The following HERC5 variants were observed in gnomAD, a reference collection of about 807,000 sequenced individuals.
The protein encoded by HERC5 is HECT and RLD domain containing E3 ubiquitin protein ligase 5, also known as E3 ISG15--protein ligase HERC5.
In HERC5, 99 loss-of-function variants were observed where a neutral mutation model predicts 119.6. That is an observed-to-expected ratio of 0.83 (90% CI 0.70 to 0.98). HERC5 has a LOEUF of 0.98. HERC5 is among the 50% of genes least tolerant of loss of function. The probability of loss-of-function intolerance (pLI) is 0.00; values close to 1 mark genes in which losing one functional copy is unlikely to be tolerated. For synonymous variants in HERC5, 478 were observed against 445.9 expected (o/e 1.07, Z -0.91); for missense variants, 1,267 against 1,241.3 (o/e 1.02, Z -0.31).
intron 15 of HERC5, among the ~76,000 whole-genome samples, chr4:88,488,664 T>A (rs1294701667): frequency 1.3e-5 from 2 of 152,144 alleles, no homozygotes; most frequent in Non-Finnish European, 2.9e-5. Flanking sequence ...AAATTCTCCC[T>A]TAAAATCTCT....
chr4:88,457,205 C>A lies in HERC5; in HGVS notation c.-65C>A. The A allele has an allele frequency of 8.0e-7, 1 of 1,244,708 alleles. No homozygotes were observed. The highest frequency in any genetic ancestry group is 1.0e-6 in the Non-Finnish European group (1 of 993,108). 77.1% of individuals were successfully genotyped at this position (1,244,708 alleles called of 1,614,324 possible). A position where few individuals can be genotyped will look rare whatever the true frequency, so the allele number is the denominator to read the frequency against. On this transcript the variant is annotated 5_prime_UTR_variant, in exon 1 of 23. Coordinates refer to ENST00000264350, the MANE Select transcript of HERC5 (RefSeq NM_016323.4). Reference sequence around the variant, plus strand: ...AGCGCAACGCCTGAGGCAGTGGGCGCGCTCAGTCCCGGGACCAGGCGTTCT... The same window carrying A: ...AGCGCAACGCCTGAGGCAGTGGGCGAGCTCAGTCCCGGGACCAGGCGTTCT...
chr4:88,468,733 T>A (rs1203341552), intron 8 of HERC5, among the ~76,000 whole-genome samples: 1 of 152,202 alleles, frequency 6.6e-6, no homozygotes, highest in Admixed American at 6.5e-5. Flanking sequence ...TAAAAATGAC[T>A]TTGCAGGCCA....
Position 88,504,318 on chromosome 4 carries a change from A to C in HERC5, c.2669A>C (p.Lys890Thr), listed in dbSNP as rs1462499482. 13 of 1,613,178 alleles carry C rather than the reference A, an allele frequency of 8.1e-6. No individual in the cohort carries two copies. Among genetic ancestry groups the C allele is most frequent in the African/African-American group, 1.3e-5 (1 of 74,928 alleles). ...GAAGAATTTCGGAGAGGATTTTATA[A>C]AATGTGCGACGAAGACATTATCAAA... ...VYEEFRRGFYKMCDEDIIKLF... is the reference protein window; with the variant it reads ...VYEEFRRGFYTMCDEDIIKLF... The change falls in exon 21 of 23, where the codon AAA becomes ACA. Residue 890 changes from lysine (K) to threonine (T), a missense_variant. Lys to Thr is a moderately conservative substitution (Grantham distance 78). Coordinates refer to ENST00000264350, the MANE Select transcript of HERC5 (RefSeq NM_016323.4).
At position 88,457,355 on chromosome 4, in the gene HERC5, C is replaced by G; in HGVS notation, c.86C>G (p.Pro29Arg). Residue 29 changes from proline (P) to arginine (R), a missense_variant, in exon 1 of 23, where the codon CCG (proline) becomes CGG (arginine). By Grantham distance (103) the Pro-to-Arg change is moderately radical (BLOSUM62 -2). Transcript: ENST00000264350. ...KAAATQPAKSPGAQLWLFPSA... is the reference protein window; with the variant it reads ...KAAATQPAKSRGAQLWLFPSA... ...GCCGCGACCCAGCCCGCGAAGTCTC[C>G]GGGCGCACAGCTCTGGCTCTTTCCC... The G allele has an allele frequency of 7.0e-7, 1 of 1,427,418 alleles. No individual in the cohort carries two copies. The highest frequency in any genetic ancestry group is 9.2e-7 in the Non-Finnish European group (1 of 1,092,538). 88.4% of individuals were successfully genotyped at this position (1,427,418 alleles called of 1,614,324 possible).
intron 16 of HERC5, among the ~76,000 whole-genome samples, chr4:88,491,252 A>G (rs1017979860): frequency 1.3e-5 from 2 of 152,186 alleles, no homozygotes; most frequent in Non-Finnish European, 2.9e-5. Flanking sequence ...TAAACTGGTA[A>G]GAGGAGATTT....
intron 20 of HERC5, among the ~76,000 whole-genome samples, chr4:88,503,770 T>C (rs965823613): frequency 6.6e-6 from 1 of 152,216 alleles, no homozygotes; most frequent in East Asian, 1.9e-4. Context: ...GGAGTTGTTA[T>C]AAAAATTACA....
intron 13 of HERC5, among the ~76,000 whole-genome samples, 185 bp from the exon 14 acceptor site, chr4:88,485,930 A>C (rs1223903582): frequency 3.3e-5 from 5 of 152,096 alleles, no homozygotes; most frequent in Non-Finnish European, 5.9e-5. Context: ...TCTACTCTTA[A>C]ATCTTAGATA....
chr4:88,482,147 T>TA (rs1323247106), intron 13 of HERC5, among the ~76,000 whole-genome samples: 13 of 151,920 alleles, frequency 8.6e-5, no homozygotes, highest in Non-Finnish European at 1.6e-4. Flanking sequence ...TCGTCTCTAC[T>TA]AAAAATACAA....
intron 13 of HERC5, among the ~76,000 whole-genome samples, chr4:88,485,796 GA>G (rs1475284967): frequency 1.3e-5 from 2 of 151,052 alleles, no homozygotes; most frequent in African/African-American, 4.9e-5. Context: ...ACTAAGACAT[GA>G]AGAACTGGAC....
At chr4:88,477,955 T>G (rs1741142292) in intron 12 of HERC5, among the ~76,000 whole-genome samples, 1 of 152,272 alleles carries the variant, frequency 6.6e-6, no homozygotes, top group African/African-American at 2.4e-5. Context: ...CGAACGATTT[T>G]TAATTTAATT....
intron 13 of HERC5, among the ~76,000 whole-genome samples, chr4:88,482,325 GGGAAA>G (rs934776821): frequency 2.7e-5 from 4 of 149,952 alleles, no homozygotes; most frequent in Non-Finnish European, 3.0e-5. Context: ...AAAAAAAAAA[GGGAAA>G]AGAAAAGAAA....
chr4:88,480,919 G>A (rs1363876157), intron 13 of HERC5, among the ~76,000 whole-genome samples: 1 of 152,132 alleles, frequency 6.6e-6, no homozygotes, highest in African/African-American at 2.4e-5. Flanking sequence ...TCAATGATAT[G>A]TGTTGCAAAT....
chr4:88,464,562 T>C (rs1578040511), intron 6 of HERC5, among the ~76,000 whole-genome samples: 1 of 147,800 alleles, frequency 6.8e-6, no homozygotes, highest in East Asian at 1.9e-4. Context: ...TTTGGTTTTC[T>C]TGTTTGTTTG....
intron 13 of HERC5, among the ~76,000 whole-genome samples, chr4:88,485,834 G>GTT (rs566100605): frequency 6.9e-6 from 1 of 145,446 alleles, no homozygotes; most frequent in Non-Finnish European, 1.5e-5. Flanking sequence ...ATATTGCATT[G>GTT]TTTTTTTTTT....
At chr4:88,504,105 CT>C in intron 20 of HERC5, 126 bp from the exon 21 acceptor site, 1 of 558,162 alleles carries the variant, frequency 1.8e-6, no homozygotes, top group South Asian at 2.9e-5. Context: ...TCTCTAGTAA[CT>C]ATGACAGTCC....
chr4:88,472,173 A>G, intron 10 of HERC5, among the ~76,000 whole-genome samples: 1 of 152,196 alleles, frequency 6.6e-6, no homozygotes, highest in Admixed American at 6.5e-5. Flanking sequence ...AATCTATTAC[A>G]GATAAGACAG....
chr4:88,457,659 C>G (rs959675292), intron 1 of HERC5, 125 bp downstream of exon 1: 5 of 1,059,936 alleles, frequency 4.7e-6, no homozygotes, highest in Admixed American at 8.5e-5. Flanking sequence ...AGACGCGCGC[C>G]TGGCTCGGAT....
intron 1 of HERC5, 102 bp downstream of exon 1, chr4:88,457,636 C>A: frequency 8.7e-7 from 1 of 1,148,224 alleles, no homozygotes; most frequent in Non-Finnish European, 1.1e-6. Flanking sequence ...GGGAGGAGAG[C>A]CCAGAAGGCC....
At chr4:88,459,977 AG>A (rs1249472202) in intron 2 of HERC5, 117 bp from the exon 3 acceptor site, 1 of 582,284 alleles carries the variant, frequency 1.7e-6, no homozygotes, top group East Asian at 3.2e-5. Flanking sequence ...AATGTGATGC[AG>A]TAAATTGAAA....
Sources: allele counts gnomAD v4.1 joint callset (sites outside exome capture counted in the v4.1 genomes callset), GRCh38; gene constraint gnomAD v4.1.1; transcripts MANE v1.5; gene names NCBI Gene and HGNC (gene_info 2026-07-23, HGNC 2026-07-21).